CXXC5: variants seen among roughly 807,000 people sequenced by gnomAD.
CXXC5 encodes the protein CXXC finger protein 5.
In CXXC5, 2 loss-of-function variants were observed where a neutral mutation model predicts 17.6. The observed-to-expected ratio is 0.11, with a 90% confidence interval of 0.05 to 0.36. CXXC5 has a LOEUF of 0.36. Ranked by LOEUF, CXXC5 falls within the 10% of genes least tolerant of loss-of-function variation. CXXC5 has a pLI of 1.00. For synonymous variants in CXXC5, 171 were observed against 193.0 expected (o/e 0.89, Z 0.94); for missense variants, 343 against 458.3 (o/e 0.75, Z 2.30).
In CXXC5 at chr5:139,681,124, G is replaced by A. The variant is rs1757200517; in HGVS notation, c.601G>A (p.Ala201Thr). 6.2e-7 allele frequency: 1 copy of A among 1,612,586 alleles called. No individual in the cohort carries two copies. Among genetic ancestry groups the A allele is most frequent in the African/African-American group, 1.3e-5 (1 of 74,950 alleles). Residue 201 changes from alanine to threonine, a missense_variant, in exon 2 of 3, where the codon GCC becomes ACC. Transcript: ENST00000302517. ...CATGGAGGCTGTGGCAGGTGCCGAA[G>A]CCCTCAATGGCCAGTCCGACTTCCC... is the stretch of plus-strand genomic sequence containing the variant. ...PDMEAVAGAEALNGQSDFPYL... is the reference protein window; with the variant it reads ...PDMEAVAGAETLNGQSDFPYL...
chr5:139,674,390 TG>T (rs1031538754), intron 1 of CXXC5, among the ~76,000 whole-genome samples: 6 of 151,580 alleles, frequency 4.0e-5, no homozygotes, highest in East Asian at 3.9e-4. Flanking sequence ...CCCACCAAGG[TG>T]GGGGGGAGGA....
At chr5:139,653,159 AGCCTCCCC>A (rs1421595228) in intron 1 of CXXC5, among the ~76,000 whole-genome samples, 1 of 152,162 alleles carries the variant, frequency 6.6e-6, no homozygotes, top group Non-Finnish European at 1.5e-5. Flanking sequence ...GTAACTGGGC[AGCCTCCCC>A]GTCTGCCTGC....
intron 1 of CXXC5, among the ~76,000 whole-genome samples, chr5:139,653,395 C>G (rs1273588391): frequency 6.6e-6 from 1 of 152,266 alleles, no homozygotes; most frequent in Non-Finnish European, 1.5e-5. Flanking sequence ...GGGAAGCCTG[C>G]CCCTATGCAG....
At chr5:139,650,129 G>C (rs1007607966) in intron 1 of CXXC5, among the ~76,000 whole-genome samples, 1 of 152,214 alleles carries the variant, frequency 6.6e-6, no homozygotes, top group Non-Finnish European at 1.5e-5. Context: ...GAGTTGGGCT[G>C]GTGCCTCGGG....
At chr5:139,657,884 C>T (rs888274724) in intron 1 of CXXC5, among the ~76,000 whole-genome samples, 2 of 152,120 alleles carry the variant, frequency 1.3e-5, no homozygotes, top group Non-Finnish European at 2.9e-5. Flanking sequence ...GACGCCCGCC[C>T]TCCCTCCCTC....
intron 1 of CXXC5, among the ~76,000 whole-genome samples, chr5:139,676,586 C>T (rs1202835637): frequency 7.7e-6 from 1 of 130,714 alleles, no homozygotes; most frequent in Non-Finnish European, 1.6e-5. Context: ...ATCTCCTCCC[C>T]ACCTCCTCTT....
At chr5:139,651,622 C>T (rs775446946) in intron 1 of CXXC5, among the ~76,000 whole-genome samples, 1 of 152,096 alleles carries the variant, frequency 6.6e-6, no homozygotes, top group East Asian at 1.9e-4. Flanking sequence ...AAATACCCTG[C>T]CTTCTTCAGG....
intron 1 of CXXC5, among the ~76,000 whole-genome samples, chr5:139,660,520 G>A (rs368640741): frequency 8.2e-4 from 125 of 152,278 alleles, no homozygotes; most frequent in African/African-American, 2.8e-3. Flanking sequence ...CCTATGCGAA[G>A]ACCCCAACCC....
chr5:139,672,097 T>C (rs78316045), intron 1 of CXXC5, among the ~76,000 whole-genome samples: 1 of 152,198 alleles, frequency 6.6e-6, no homozygotes. Context: ...CTGTTTATTT[T>C]TTTTTATTTA....
At chr5:139,653,612 A>C (rs1755326213) in intron 1 of CXXC5, among the ~76,000 whole-genome samples, 1 of 152,046 alleles carries the variant, frequency 6.6e-6, no homozygotes, top group African/African-American at 2.4e-5. Flanking sequence ...GTATGTTGAG[A>C]AGCAGTCTGG....
intron 1 of CXXC5, among the ~76,000 whole-genome samples, chr5:139,674,788 G>A (rs1396212993): frequency 1.3e-5 from 2 of 152,218 alleles, no homozygotes; most frequent in African/African-American, 4.8e-5. Context: ...GCCCAGGTGA[G>A]AGGATTGCTT....
intron 1 of CXXC5, among the ~76,000 whole-genome samples, chr5:139,671,381 G>A (rs1329428082): frequency 6.6e-6 from 1 of 152,206 alleles, no homozygotes; most frequent in Non-Finnish European, 1.5e-5. Flanking sequence ...AGTGGCCCTG[G>A]CCATCCCCTC....
At position 139,680,861 on chromosome 5, in the gene CXXC5, C is replaced by T; in HGVS notation, c.338C>T (p.Ser113Phe). ...DKATAAAAAA[S>F]LLANGHDLAA... Reference sequence around the variant, plus strand: ...GCCACTGCGGCTGCAGCCGCTGCCTCCCTGTTGGCCAATGGGCATGACCTG... The same window carrying T: ...GCCACTGCGGCTGCAGCCGCTGCCTTCCTGTTGGCCAATGGGCATGACCTG... The change falls in exon 2 of 3, where the codon TCC becomes TTC. Residue 113 changes from serine to phenylalanine, a missense_variant. By Grantham distance (155) the Ser-to-Phe change is radical. Around this residue, in one of 4 missense-constraint regions of CXXC5, gnomAD observed 297 missense variants for 363.4 expected, o/e 0.82. Coordinates refer to ENST00000302517, the MANE Select transcript of CXXC5 (RefSeq NM_016463.9). 6.2e-7 allele frequency: 1 copy of T among 1,609,796 alleles called. No homozygotes were observed. The highest frequency in any genetic ancestry group is 1.1e-5 in the South Asian group (1 of 91,080).
At chr5:139,650,015 G>A (rs1400376218) in intron 1 of CXXC5, among the ~76,000 whole-genome samples, 2 of 152,246 alleles carry the variant, frequency 1.3e-5, no homozygotes, top group African/African-American at 4.8e-5. Flanking sequence ...GTTTTTAAAT[G>A]GGGGGCCACC....
chr5:139,671,810 C>T (rs1756488049), intron 1 of CXXC5, among the ~76,000 whole-genome samples: 1 of 152,232 alleles, frequency 6.6e-6, no homozygotes, highest in African/African-American at 2.4e-5. Flanking sequence ...CTGGACCTCA[C>T]CCTTTAGCTG....
Position 139,660,175 on chromosome 5 carries a change from G to A in CXXC5, c.-161+11330G>A, listed in dbSNP as rs1416339416. Among the ~76,000 whole-genome samples, 3 of 152,210 alleles carry A rather than the reference G, an allele frequency of 2.0e-5. No individual in the cohort carries two copies. The South Asian group carries it at 6.2e-4, about 31-fold the overall frequency. ...CCTGTGCCAGTGCAGTGAGGGGAGCGGGATGATCCTGTGGGGTCTGATAAT... is the reference window on the plus strand; with the variant it reads ...CCTGTGCCAGTGCAGTGAGGGGAGCAGGATGATCCTGTGGGGTCTGATAAT... On this transcript the variant is annotated intron_variant, in intron 1 of 2. Transcript: ENST00000302517.
intron 1 of CXXC5, among the ~76,000 whole-genome samples, chr5:139,665,198 C>G (rs1317843074): frequency 1.3e-5 from 2 of 152,280 alleles, no homozygotes; most frequent in Non-Finnish European, 2.9e-5. Flanking sequence ...CTCCTGCTCC[C>G]ACTCTCCTCT....
rs910793366 is a variant in CXXC5 at position 139,668,501 on chromosome 5, C to T, written c.-160-11863C>T. Among the ~76,000 whole-genome samples the T allele has an allele frequency of 6.6e-6, 1 of 151,960 alleles. No homozygotes were observed. Among genetic ancestry groups the T allele is most frequent in the Non-Finnish European group, 1.5e-5 (1 of 67,914 alleles). ...CTGCCCGCTCCAGGCCCGCTGCCCG[C>T]TCCAGGCCCGAGGTGATGGCGGCTG... is the stretch of plus-strand genomic sequence containing the variant. On this transcript the variant is annotated intron_variant, in intron 1 of 2. Transcript: ENST00000302517. This position sits in a 1 kb window ranked among gnomAD's most constrained non-coding sequence, Gnocchi z 4.1.
Position 139,680,889 on chromosome 5 carries a change from G to T in CXXC5, c.366G>T (p.Ala122=). 1 of 1,605,402 alleles carries T rather than the reference G, an allele frequency of 6.2e-7. No homozygotes were observed. Among genetic ancestry groups the T allele is most frequent in the African/African-American group, 1.3e-5 (1 of 75,068 alleles). ...TGTTGGCCAATGGGCATGACCTGGCGGCGGCCATGGCGGTGGACAAAAGCA... is the reference window on the plus strand; with the variant it reads ...TGTTGGCCAATGGGCATGACCTGGCTGCGGCCATGGCGGTGGACAAAAGCA... ...ASLLANGHDL[A]AAMAVDKSNP... Residue 122 remains alanine (A), a synonymous_variant, in exon 2 of 3, where the codon GCG becomes GCT. Coordinates refer to ENST00000302517, the MANE Select transcript of CXXC5 (RefSeq NM_016463.9).
Sources: allele counts gnomAD v4.1 joint callset (sites outside exome capture counted in the v4.1 genomes callset), GRCh38; gene constraint gnomAD v4.1.1; regional missense constraint gnomAD v4.1.1; non-coding constraint Gnocchi (gnomAD v3.1); transcripts MANE v1.5; gene names NCBI Gene and HGNC (gene_info 2026-07-23, HGNC 2026-07-21).